The following RASGEF1C variants were observed in gnomAD, a reference collection of about 807,000 sequenced individuals.
RASGEF1C encodes the protein ras-GEF domain-containing family member 1C.
Under a neutral mutation model 58.1 loss-of-function variants are expected in RASGEF1C, and 27 were observed. The observed-to-expected ratio is 0.46, with a 90% CI of 0.34 to 0.64. The LOEUF is 0.64. RASGEF1C is among the 30% of genes least tolerant of loss of function. The probability of loss-of-function intolerance (pLI) is 0.01; values close to 1 mark genes in which losing one functional copy is unlikely to be tolerated. For missense variants in RASGEF1C, 502 were observed against 605.1 expected, an observed-to-expected ratio of 0.83 and a Z score of 1.79; for synonymous variants, 243 against 246.3, an observed-to-expected ratio of 0.99 and a Z score of 0.13.
chr5:180,128,504 T>C lies in RASGEF1C; in HGVS notation c.545A>G (p.Tyr182Cys). The C allele has an allele frequency of 6.2e-7, 1 of 1,614,096 alleles. No individual in the cohort carries two copies. The highest frequency in any genetic ancestry group is 8.5e-7 in the Non-Finnish European group (1 of 1,180,014). ...GLVGADKPIS[Y>C]RTKPPASIHR... ...GATGGAGGCTGGTGGCTTGGTCCTG[T>C]AGGAGATGGGCTTGTCGGCACCCAC... Residue 182 changes from tyrosine to cysteine, a missense_variant, in exon 5 of 14, where the codon TAC becomes TGC. Coordinates refer to ENST00000361132, the MANE Select transcript of RASGEF1C (RefSeq NM_175062.4).
chr5:180,160,407 C>T (rs1487288008), intron 1 of RASGEF1C, among the ~76,000 whole-genome samples: 1 of 152,218 alleles, frequency 6.6e-6, no homozygotes, highest in African/African-American at 2.4e-5. Context: ...CCAGGTTGTG[C>T]ACAAGAGGTG....
chr5:180,109,155 C>A (rs77523026), intron 12 of RASGEF1C, among the ~76,000 whole-genome samples: 2,042 of 152,244 alleles, frequency 0.013, 22 homozygotes, highest in Admixed American at 0.028. Flanking sequence ...CAACAATCAT[C>A]ATAATAATTA....
chr5:180,115,299 A>AAG, intron 10 of RASGEF1C: 1 of 443,450 alleles, frequency 2.3e-6, no homozygotes, highest in Non-Finnish European at 4.5e-6. Flanking sequence ...TTAAAAAAAA[A>AAG]AAAAAAAATT....
At chr5:180,173,227 A>G (rs59412869) in intron 1 of RASGEF1C, among the ~76,000 whole-genome samples, 83,462 of 152,144 alleles carry the variant, frequency 0.55, 23,291 homozygotes, top group African/African-American at 0.61. Flanking sequence ...CAGAAGAGCC[A>G]GCTACACAGG....
chr5:180,112,253 T>A (rs1243366424), intron 11 of RASGEF1C, among the ~76,000 whole-genome samples: 2 of 152,196 alleles, frequency 1.3e-5, no homozygotes, highest in African/African-American at 4.8e-5. Context: ...CTTGTCCACA[T>A]CACCTCCAGC....
At chr5:180,176,026 T>C (rs901752644) in intron 1 of RASGEF1C, among the ~76,000 whole-genome samples, 3 of 152,150 alleles carry the variant, frequency 2.0e-5, no homozygotes, top group Non-Finnish European at 2.9e-5. Context: ...CACATAATAA[T>C]GGCTAGAGAC....
At chr5:180,201,628 C>G (rs906262923) in intron 1 of RASGEF1C, among the ~76,000 whole-genome samples, 6 of 152,224 alleles carry the variant, frequency 3.9e-5, no homozygotes, top group African/African-American at 1.4e-4. Context: ...AAACCACACG[C>G]AACACCTCAA....
intron 1 of RASGEF1C, among the ~76,000 whole-genome samples, chr5:180,199,918 T>C (rs1756352297): frequency 6.6e-6 from 1 of 152,174 alleles, no homozygotes; most frequent in African/African-American, 2.4e-5. Context: ...TTGATTCCTG[T>C]AGCTTACTCT....
Position 180,101,486 on chromosome 5 carries a change from C to T in RASGEF1C, c.*15G>A, listed in dbSNP as rs777222735. Reference sequence around the variant, plus strand: ...TGCGGGCTCCAGCTCTTCCTCGTCCCTCAGCTCAGCGCTTTCATGTCTTCC... The same window carrying T: ...TGCGGGCTCCAGCTCTTCCTCGTCCTTCAGCTCAGCGCTTTCATGTCTTCC... On this transcript the variant is annotated 3_prime_UTR_variant, in exon 14 of 14. Coordinates refer to ENST00000361132, the MANE Select transcript of RASGEF1C (RefSeq NM_175062.4). 1 of 1,610,748 alleles carries T rather than the reference C, an allele frequency of 6.2e-7. No homozygotes were observed. Among genetic ancestry groups the T allele is most frequent in the South Asian group, 1.1e-5 (1 of 91,020 alleles).
chr5:180,149,388 C>T (rs114949066), intron 1 of RASGEF1C, among the ~76,000 whole-genome samples: 1,624 of 151,658 alleles, frequency 0.011, 32 homozygotes, highest in African/African-American at 0.038. Flanking sequence ...CCACTGTGCC[C>T]GCCAAGGCCT....
intron 1 of RASGEF1C, among the ~76,000 whole-genome samples, chr5:180,181,858 A>C (rs1350877851): frequency 6.6e-6 from 1 of 152,134 alleles, no homozygotes; most frequent in African/African-American, 2.4e-5. Flanking sequence ...GCAGCAGCAC[A>C]CTATTGAGAC....
At chr5:180,200,850 G>C (rs1581132656) in intron 1 of RASGEF1C, among the ~76,000 whole-genome samples, 1 of 152,264 alleles carries the variant, frequency 6.6e-6, no homozygotes, top group Admixed American at 6.5e-5. Flanking sequence ...CGGCTCCAGG[G>C]CCCACGCTGG....
At chr5:180,170,568 G>T (rs951660567) in intron 1 of RASGEF1C, among the ~76,000 whole-genome samples, 1 of 152,110 alleles carries the variant, frequency 6.6e-6, no homozygotes, top group African/African-American at 2.4e-5. Flanking sequence ...CGGAGCCCCC[G>T]CCCTGGCCAG....
chr5:180,102,567 G>A (rs1446640605), intron 12 of RASGEF1C, among the ~76,000 whole-genome samples: 1 of 152,196 alleles, frequency 6.6e-6, no homozygotes, highest in Non-Finnish European at 1.5e-5. Context: ...CTAATTATTT[G>A]TATAAGGTGT....
At chr5:180,117,316 C>G (rs1766085632) in intron 10 of RASGEF1C, among the ~76,000 whole-genome samples, 1 of 152,234 alleles carries the variant, frequency 6.6e-6, no homozygotes. Flanking sequence ...GCAGGTGGCA[C>G]AAGCGTGCAC....
intron 1 of RASGEF1C, among the ~76,000 whole-genome samples, chr5:180,206,551 T>C (rs1210220253): frequency 2.0e-5 from 3 of 152,188 alleles, no homozygotes; most frequent in African/African-American, 7.2e-5. Flanking sequence ...GCTAACAAAA[T>C]AAATCCACAT....
At chr5:180,145,771 A>G (rs1011024394) in intron 1 of RASGEF1C, among the ~76,000 whole-genome samples, 1 of 152,230 alleles carries the variant, frequency 6.6e-6, no homozygotes, top group Non-Finnish European at 1.5e-5. Context: ...GACCCAGATC[A>G]GAGGAGAAGC....
intron 6 of RASGEF1C, among the ~76,000 whole-genome samples, chr5:180,125,242 G>A (rs565489829): frequency 7.9e-5 from 12 of 152,208 alleles, no homozygotes; most frequent in African/African-American, 2.2e-4. Flanking sequence ...AAGAGAATAT[G>A]TGAGTAACAG....
chr5:180,186,989 A>T (rs952920274), intron 1 of RASGEF1C, among the ~76,000 whole-genome samples: 3 of 152,188 alleles, frequency 2.0e-5, no homozygotes, highest in African/African-American at 4.8e-5. Context: ...AAAACCACCC[A>T]TCTTAAAATA....
Sources: allele counts gnomAD v4.1 joint callset (sites outside exome capture counted in the v4.1 genomes callset), GRCh38; gene constraint gnomAD v4.1.1; transcripts MANE v1.5; gene names NCBI Gene and HGNC (gene_info 2026-07-23, HGNC 2026-07-21).